Variants in RBFOX1 observed in about 807,000 individuals in gnomAD.
RBFOX1 encodes the protein RNA binding protein fox-1 homolog 1.
A neutral mutation model predicts 57.7 loss-of-function variants in RBFOX1; 8 were observed. That is an observed-to-expected ratio of 0.14 (90% confidence interval 0.08 to 0.25). The LOEUF (loss-of-function observed/expected upper bound fraction) is 0.25, where lower values mean the gene tolerates loss of function less well. Ranked by LOEUF, RBFOX1 falls within the 10% of genes least tolerant of loss-of-function variation. The pLI is 1.00. For synonymous variants in RBFOX1, 326 were observed against 222.4 expected, an observed-to-expected ratio of 1.47 and a Z score of -4.15; for missense variants, 611 against 548.5, an observed-to-expected ratio of 1.11 and a Z score of -1.14.
intron 2 of RBFOX1, among the ~76,000 whole-genome samples, chr16:6,493,298 G>T (rs966125902): frequency 6.6e-6 from 1 of 152,090 alleles, no homozygotes; most frequent in Non-Finnish European, 1.5e-5. Flanking sequence ...TGGGGTGGTG[G>T]GGTGTTGGAA....
chr16:6,705,631 G>A (rs182342740), intron 3 of RBFOX1: 36 of 152,254 alleles, frequency 2.4e-4, no homozygotes, highest in African/African-American at 8.7e-4. Context: ...GAGCCTGATA[G>A]CAAATATTTT....
chr16:6,747,002 C>G (rs1010674507), intron 3 of RBFOX1, among the ~76,000 whole-genome samples: 13 of 152,134 alleles, frequency 8.5e-5, no homozygotes, highest in African/African-American at 2.9e-4. Flanking sequence ...CAGATATCCC[C>G]TCACCACAGA....
chr16:5,815,291 G>C lies in RBFOX1; in HGVS notation c.319-52012G>C, dbSNP rs139054504. ...TTACAGGTGTGAGCCATCGTGCCTG[G>C]CCTGATTTCCTTTCCAATGTCTTGA... On this transcript the variant is annotated intron_variant, in intron 3 of 19. Coordinates refer to the RBFOX1 transcript ENST00000641259. Among the ~76,000 whole-genome samples the C allele has an allele frequency of 2.6e-5, 4 of 151,426 alleles. No homozygotes were observed. In the East Asian group the frequency reaches 7.8e-4, roughly 30 times the overall value.
At chr16:6,095,282 C>T (rs1339603468) in intron 1 of RBFOX1, among the ~76,000 whole-genome samples, 3 of 152,180 alleles carry the variant, frequency 2.0e-5, no homozygotes, top group Non-Finnish European at 2.9e-5. Flanking sequence ...TAAGTGAAGT[C>T]AAGATGCTAA....
chr16:7,255,626 G>C (rs535660737), intron 4 of RBFOX1, among the ~76,000 whole-genome samples: 1 of 152,192 alleles, frequency 6.6e-6, no homozygotes, highest in African/African-American at 2.4e-5. Context: ...GTCTGGACCA[G>C]CACTGTTCAG....
At chr16:6,680,272 CTCTTTT>C (rs1382339932) in intron 3 of RBFOX1, among the ~76,000 whole-genome samples, 3 of 109,356 alleles carry the variant, frequency 2.7e-5, no homozygotes, top group African/African-American at 1.1e-4. Context: ...TTTTCTCTCT[CTCTTTT>C]TTTTTTTTTT....
intron 2 of RBFOX1, among the ~76,000 whole-genome samples, chr16:6,637,322 T>TA (rs2098449750): frequency 2.4e-4 from 18 of 73,754 alleles, no homozygotes; most frequent in South Asian, 3.7e-4. Flanking sequence ...ATATATTATA[T>TA]ATATTATATA....
At chr16:6,626,139 GT>G (rs112941400) in intron 2 of RBFOX1, among the ~76,000 whole-genome samples, 3,428 of 137,084 alleles carry the variant, frequency 0.025, 71 homozygotes, top group African/African-American at 0.063. Context: ...AATTCTGCAG[GT>G]TTTTTTTTTT....
chr16:5,314,322 T>TGGAGAGG (rs2151229658), intron 1 of RBFOX1, among the ~76,000 whole-genome samples: 1 of 152,060 alleles, frequency 6.6e-6, no homozygotes, highest in East Asian at 1.9e-4. Context: ...ATGTGGAGTG[T>TGGAGAGG]GGAGAGGGGG....
At chr16:6,617,733 A>G (rs1220179643) in intron 2 of RBFOX1, among the ~76,000 whole-genome samples, 1 of 152,136 alleles carries the variant, frequency 6.6e-6, no homozygotes, top group Admixed American at 6.5e-5. Context: ...CAGCATAGAT[A>G]TTTTGTGCAA....
At chr16:6,780,794 T>G (rs2080883110) in intron 3 of RBFOX1, among the ~76,000 whole-genome samples, 2 of 152,030 alleles carry the variant, frequency 1.3e-5, no homozygotes, top group South Asian at 4.1e-4. Flanking sequence ...TATGTCTTCT[T>G]GAGAATTGTC....
At chr16:7,665,138 G>C (rs1476999448) in intron 13 of RBFOX1, among the ~76,000 whole-genome samples, 170 bp downstream of exon 13, 1 of 152,094 alleles carries the variant, frequency 6.6e-6, no homozygotes, top group Non-Finnish European at 1.5e-5. Context: ...TCTTGAACTT[G>C]TGGCAGACAT....
At chr16:6,909,701 G>A (rs1473747753) in intron 3 of RBFOX1, among the ~76,000 whole-genome samples, 1 of 152,200 alleles carries the variant, frequency 6.6e-6, no homozygotes, top group African/African-American at 2.4e-5. Context: ...CGTGGTACAT[G>A]CATGCTAAGT....
chr16:6,046,531 G>A lies in RBFOX1; in HGVS notation c.-127+26539G>A, dbSNP rs144674640. ...ATTCAGGTCTAAAAGTAGGATTTGA[G>A]GGGCTATTCCTATATTCATATTAAA... On this transcript the variant is annotated intron_variant, in intron 1 of 15. Coordinates refer to ENST00000550418, the MANE Select transcript of RBFOX1 (RefSeq NM_018723.4). Among the ~76,000 whole-genome samples, 3 of 152,230 alleles carry A rather than the reference G, an allele frequency of 2.0e-5. No homozygotes were observed. In the East Asian group the frequency reaches 5.8e-4, roughly 29 times the overall value.
At chr16:7,132,218 T>C (rs2070670395) in intron 4 of RBFOX1, among the ~76,000 whole-genome samples, 1 of 152,080 alleles carries the variant, frequency 6.6e-6, no homozygotes, top group African/African-American at 2.4e-5. Flanking sequence ...TGACTTCGAC[T>C]GATCTGCCTG....
intron 3 of RBFOX1, among the ~76,000 whole-genome samples, chr16:6,931,383 A>G (rs1160432334): frequency 6.6e-6 from 1 of 151,944 alleles, no homozygotes; most frequent in Non-Finnish European, 1.5e-5. Flanking sequence ...ATATATACAT[A>G]CATATATGTG....
At chr16:7,698,849 T>G (rs1386443769) in intron 14 of RBFOX1, among the ~76,000 whole-genome samples, 1 of 152,208 alleles carries the variant, frequency 6.6e-6, no homozygotes, top group African/African-American at 2.4e-5. Flanking sequence ...GTCTCAGGCT[T>G]GCTGCATGCA....
At chr16:5,607,583 C>T (rs113128109) in intron 3 of RBFOX1, among the ~76,000 whole-genome samples, 4,035 of 152,168 alleles carry the variant, frequency 0.027, 116 homozygotes, top group African/African-American at 0.072. Flanking sequence ...CTTCCTATCT[C>T]CTGATGGGGT....
chr16:6,808,077 A>ATG (rs2087362872), intron 3 of RBFOX1, among the ~76,000 whole-genome samples: 1 of 150,700 alleles, frequency 6.6e-6, no homozygotes. Context: ...ATATATATAT[A>ATG]ATCATACTCA....
Sources: allele counts gnomAD v4.1 joint callset (sites outside exome capture counted in the v4.1 genomes callset), GRCh38; gene constraint gnomAD v4.1.1; transcripts MANE v1.5; gene names NCBI Gene and HGNC (gene_info 2026-07-23, HGNC 2026-07-21).